SLC17A6: variants seen among roughly 807,000 people sequenced by gnomAD.
SLC17A6 encodes the protein vesicular glutamate transporter 2.
Under a neutral mutation model 67.1 loss-of-function variants are expected in SLC17A6, and 35 were observed. The ratio of observed to expected loss-of-function variants is 0.52; its 90% CI spans 0.40 to 0.69. SLC17A6 has a LOEUF of 0.69. Among genes scored for constraint, SLC17A6 ranks in the 30% least tolerant of loss-of-function variants. The pLI is 0.00. For synonymous variants in SLC17A6, 285 were observed against 252.3 expected (o/e 1.13, Z -1.23); for missense variants, 588 against 723.9 (o/e 0.81, Z 2.15).
At chr11:22,363,238 G>A (rs1178826594) in intron 6 of SLC17A6, among the ~76,000 whole-genome samples, 2 of 144,274 alleles carry the variant, frequency 1.4e-5, no homozygotes, top group Non-Finnish European at 3.0e-5. Flanking sequence ...GAAAGGGGGG[G>A]TGGAAAGCTG....
intron 7 of SLC17A6, among the ~76,000 whole-genome samples, chr11:22,367,694 A>T (rs571161744): frequency 1.3e-5 from 2 of 152,300 alleles, no homozygotes; most frequent in African/African-American, 4.8e-5. Flanking sequence ...CTAGATTAGA[A>T]ATAAATTTTA....
intron 3 of SLC17A6, among the ~76,000 whole-genome samples, chr11:22,348,143 G>T (rs1004800329): frequency 2.0e-5 from 3 of 152,130 alleles, no homozygotes; most frequent in African/African-American, 7.2e-5. Context: ...ATTGTGACTA[G>T]AACTCACTTG....
chr11:22,353,906 C>A (rs901602796), intron 3 of SLC17A6, among the ~76,000 whole-genome samples: 1 of 152,042 alleles, frequency 6.6e-6, no homozygotes, highest in African/African-American at 2.4e-5. Flanking sequence ...ATTCCCAAAG[C>A]AGAACAAGAA....
At chr11:22,350,628 G>T (rs2133863525) in intron 3 of SLC17A6, among the ~76,000 whole-genome samples, 1 of 152,194 alleles carries the variant, frequency 6.6e-6, no homozygotes, top group Middle Eastern at 3.4e-3. Flanking sequence ...TAATAAAATT[G>T]TTATTTTACA....
At chr11:22,366,898 C>G (rs1464820280) in intron 7 of SLC17A6, among the ~76,000 whole-genome samples, 2 of 148,168 alleles carry the variant, frequency 1.3e-5, no homozygotes, top group South Asian at 2.2e-4. Context: ...CCCAGCCACT[C>G]GGAAGGCTAA....
chr11:22,340,661 G>A (rs1590375871), intron 1 of SLC17A6, among the ~76,000 whole-genome samples: 1 of 152,144 alleles, frequency 6.6e-6, no homozygotes, highest in East Asian at 1.9e-4. Context: ...AGATAGTAAT[G>A]ACGCAAGATT....
At chr11:22,340,506 T>C (rs747495162) in intron 1 of SLC17A6, among the ~76,000 whole-genome samples, 4 of 152,168 alleles carry the variant, frequency 2.6e-5, no homozygotes, top group African/African-American at 7.2e-5. Flanking sequence ...TGAAACACTA[T>C]GCAAAAACAA....
At chr11:22,338,676 C>T (rs1316695316) in intron 1 of SLC17A6, 57 bp downstream of exon 1, 8 of 1,280,918 alleles carry the variant, frequency 6.2e-6, no homozygotes, top group Admixed American at 1.8e-5. Flanking sequence ...ATCTGCAGGG[C>T]CGTTTCCGTA....
At chr11:22,338,702 G>A (rs1855764829) in intron 1 of SLC17A6, 83 bp downstream of exon 1, 1 of 1,009,744 alleles carries the variant, frequency 9.9e-7, no homozygotes, top group South Asian at 1.3e-5. Flanking sequence ...TGGTGGCTCA[G>A]AAAGATTGTA....
At chr11:22,354,224 C>T (rs1021623994) in intron 3 of SLC17A6, among the ~76,000 whole-genome samples, 9 of 152,168 alleles carry the variant, frequency 5.9e-5, no homozygotes, top group Middle Eastern at 3.4e-3. Flanking sequence ...GCTGAGATTA[C>T]AGGTGCCCAC....
In SLC17A6 at chr11:22,369,980, C is replaced by A; in HGVS notation, c.892-59C>A. ...CTGAAAATGCAAAGCACCTATTATTCCCACTTAGGTTTGAAAATATTTAAA... is the reference window on the plus strand; with the variant it reads ...CTGAAAATGCAAAGCACCTATTATTACCACTTAGGTTTGAAAATATTTAAA... On this transcript the variant is annotated intron_variant, in intron 7 of 11. Coordinates refer to ENST00000263160, the MANE Select transcript of SLC17A6 (RefSeq NM_020346.3). 2.6e-6 allele frequency: 4 copies of A among 1,521,746 alleles called. No individual in the cohort carries two copies. In the East Asian group the frequency reaches 9.1e-5, roughly 35 times the overall value. The allele number at this position is 1,521,746 out of a possible 1,614,324, so 94.3% of individuals were successfully genotyped here.
chr11:22,362,832 T>G lies in SLC17A6; in HGVS notation c.748+7T>G. ...TCAGTGTTTTATGTCTACGGTATGTTATATTTCTATGCAATAGAGTTAAAG... is the reference window on the plus strand; with the variant it reads ...TCAGTGTTTTATGTCTACGGTATGTGATATTTCTATGCAATAGAGTTAAAG... On this transcript the variant is annotated splice_region_variant and intron_variant, in intron 6 of 11. Transcript: ENST00000263160. 1 of 1,609,778 alleles carries G rather than the reference T, an allele frequency of 6.2e-7. No homozygotes were observed. The highest frequency in any genetic ancestry group is 1.3e-5 in the African/African-American group (1 of 74,948).
rs991562391 is a variant in SLC17A6, at chr11:22,376,069, G to C, written c.1262G>C (p.Gly421Ala). The change falls in exon 10 of 12, where the codon GGA (glycine) becomes GCA (alanine). Residue 421 changes from glycine to alanine, a missense_variant. Gly to Ala is a moderately conservative substitution (Grantham distance 60). This residue lies in a region of SLC17A6 where 414 missense variants were observed against 563.4 expected (regional missense o/e 0.73). Transcript: ENST00000263160. ...ATCTCATTCTTGGTACTTGCAGTGG[G>C]ATTCAGTGGATTTGCTATATCTGGT... ...VAISFLVLAVGFSGFAISGFN... is the reference protein window; with the variant it reads ...VAISFLVLAVAFSGFAISGFN... 4.3e-6 allele frequency: 7 copies of C among 1,611,256 alleles called. No homozygotes were observed. The highest frequency in any genetic ancestry group is 1.3e-5 in the African/African-American group (1 of 74,848).
At chr11:22,344,586 T>C (rs987837083) in intron 3 of SLC17A6, among the ~76,000 whole-genome samples, 3 of 152,178 alleles carry the variant, frequency 2.0e-5, no homozygotes, top group Non-Finnish European at 4.4e-5. Context: ...ATAATGCCTT[T>C]CGAGTATCGT....
intron 3 of SLC17A6, among the ~76,000 whole-genome samples, chr11:22,353,704 G>A (rs1220043377): frequency 6.6e-6 from 1 of 152,134 alleles, no homozygotes; most frequent in African/African-American, 2.4e-5. Flanking sequence ...GTTTTTTAAA[G>A]GACATCTTCC....
intron 8 of SLC17A6, 73 bp from the exon 9 acceptor site, chr11:22,374,682 G>A (rs1856213022): frequency 7.8e-7 from 1 of 1,284,414 alleles, no homozygotes; most frequent in African/African-American, 1.5e-5. Context: ...GACAGATTCA[G>A]AAACAAAGGC....
rs76292330 is a variant in SLC17A6 at position 22,353,185 on chromosome 11, A to G, written c.459-6228A>G. The stretch of plus-strand genomic sequence containing the variant: ...TATGGACCATACAGTGTCCCCTTTC[A>G]TAATTGATTTATTTAGTCTTCATGA... On this transcript the variant is annotated intron_variant, in intron 3 of 11. Transcript: ENST00000263160. 1.2e-3 allele frequency among the ~76,000 whole-genome samples: 179 copies of G among 152,318 alleles called. 4 individuals carry two copies. The East Asian group carries it at 0.03, about 26-fold the overall frequency.
chr11:22,341,809 T>C, intron 2 of SLC17A6, 29 bp downstream of exon 2: 7 of 1,610,410 alleles, frequency 4.3e-6, no homozygotes, highest in African/African-American at 1.3e-5. Flanking sequence ...CCCTGGCTCC[T>C]GCCCTTCGGC....
At chr11:22,372,684 A>T (rs1458474416) in intron 8 of SLC17A6, among the ~76,000 whole-genome samples, 2 of 152,126 alleles carry the variant, frequency 1.3e-5, no homozygotes, top group Admixed American at 6.6e-5. Flanking sequence ...TAAAAGAAGG[A>T]TGAGGCAAAA....
Sources: allele counts gnomAD v4.1 joint callset (sites outside exome capture counted in the v4.1 genomes callset), GRCh38; gene constraint gnomAD v4.1.1; regional missense constraint gnomAD v4.1.1; transcripts MANE v1.5; gene names NCBI Gene and HGNC (gene_info 2026-07-23, HGNC 2026-07-21).